CHST3: variants seen among roughly 807,000 people sequenced by gnomAD.
CHST3 encodes C6ST-1.
CHST3 carries 20 observed loss-of-function variants against 35.4 expected under a neutral mutation model. The observed-to-expected ratio is 0.57, with a 90% CI of 0.40 to 0.82. The LOEUF is 0.82. Among genes scored for constraint, CHST3 ranks in the 40% least tolerant of loss-of-function variants. The pLI, the probability that CHST3 is intolerant of heterozygous loss-of-function variation, is 0.00. For missense variants in CHST3, 693 were observed against 670.1 expected (o/e 1.03, Z -0.38); for synonymous variants, 334 against 295.9 (o/e 1.13, Z -1.32).
Position 72,008,051 on chromosome 10 carries a change from G to A in CHST3, c.1020G>A (p.Arg340=). 6.5e-7 allele frequency: 1 copy of A among 1,549,238 alleles called. No individual in the cohort carries two copies. Among genetic ancestry groups the A allele is most frequent in the Non-Finnish European group, 8.7e-7 (1 of 1,146,430 alleles). Residue 340 remains arginine (R), a synonymous_variant, in exon 3 of 3, where the codon CGG becomes CGA. Coordinates refer to ENST00000373115, the MANE Select transcript of CHST3 (RefSeq NM_004273.5). ...QDGLREEEVQ[R]LRGNCESIRL... ...GCCTGAGGGAAGAGGAGGTGCAGCG[G>A]CTGCGGGGCAACTGCGAGAGCATCC... is the stretch of plus-strand genomic sequence containing the variant.
In CHST3 at chr10:72,011,021, T is replaced by A. The variant is rs1421710101; in HGVS notation, c.*2550T>A. 2 of 152,236 alleles carry A rather than the reference T, an allele frequency of 1.3e-5. No homozygotes were observed. The highest frequency in any genetic ancestry group is 2.4e-5 in the African/African-American group (1 of 41,456). 9.4% of individuals were successfully genotyped at this position (152,236 alleles called of 1,614,324 possible). A position where few individuals can be genotyped will look rare whatever the true frequency, so the allele number is the denominator to read the frequency against. The stretch of plus-strand genomic sequence containing the variant: ...GTGCACACTGCAGGTTGACTTAATT[T>A]ATTTATTTTTTGAAAAGAAGAGACA... On this transcript the variant is annotated 3_prime_UTR_variant, in exon 3 of 3. Transcript: ENST00000373115.
At chr10:71,981,697 C>G (rs1164798257) in intron 1 of CHST3, among the ~76,000 whole-genome samples, 2 of 152,204 alleles carry the variant, frequency 1.3e-5, no homozygotes, top group South Asian at 2.1e-4. Flanking sequence ...TCCGTTCTGT[C>G]CAATTCAACA....
chr10:72,006,758 T>C (rs1452472012), intron 2 of CHST3, among the ~76,000 whole-genome samples: 1 of 152,074 alleles, frequency 6.6e-6, no homozygotes, highest in East Asian at 1.9e-4. Context: ...ATCCCCCCCC[T>C]TGGGTCACTG....
At chr10:71,997,890 A>T (rs935615856) in intron 1 of CHST3, among the ~76,000 whole-genome samples, 13 of 151,386 alleles carry the variant, frequency 8.6e-5, no homozygotes, top group Admixed American at 8.6e-4. Flanking sequence ...CTGGTCTTGA[A>T]CTCCTGACCT....
At chr10:71,984,139 C>T (rs1321917049) in intron 1 of CHST3, among the ~76,000 whole-genome samples, 1 of 152,246 alleles carries the variant, frequency 6.6e-6, no homozygotes, top group Admixed American at 6.5e-5. Flanking sequence ...TCTCCTGCCT[C>T]AGCCTCTCGA....
chr10:71,989,956 CCTAACATTGAG>C (rs1839882619), intron 1 of CHST3, among the ~76,000 whole-genome samples: 1 of 152,196 alleles, frequency 6.6e-6, no homozygotes, highest in Non-Finnish European at 1.5e-5. Flanking sequence ...GATAAATGTA[CCTAACATTGAG>C]CTAACAAGTT....
chr10:71,971,904 T>G (rs1839699064), intron 1 of CHST3, among the ~76,000 whole-genome samples: 1 of 152,212 alleles, frequency 6.6e-6, no homozygotes, highest in South Asian at 2.1e-4. Context: ...CACCAGAGGA[T>G]GAAGAACTGA....
chr10:71,991,264 TC>T (rs1434689992), intron 1 of CHST3, among the ~76,000 whole-genome samples: 1 of 152,194 alleles, frequency 6.6e-6, no homozygotes, highest in Non-Finnish European at 1.5e-5. Context: ...GCCAGTCGGT[TC>T]CCCAGAAATT....
intron 1 of CHST3, among the ~76,000 whole-genome samples, chr10:71,970,428 C>T (rs1449819829): frequency 6.6e-6 from 1 of 152,210 alleles, no homozygotes; most frequent in African/African-American, 2.4e-5. Flanking sequence ...CGCAAGTAAA[C>T]AACCACCTCG....
intron 1 of CHST3, among the ~76,000 whole-genome samples, chr10:72,004,629 C>G (rs1589507841): frequency 2.0e-5 from 3 of 152,306 alleles, no homozygotes; most frequent in African/African-American, 7.2e-5. Flanking sequence ...ACCTGTCCAC[C>G]TTCTAGATGC....
chr10:71,984,630 T>G (rs7099356), intron 1 of CHST3, among the ~76,000 whole-genome samples: 33,624 of 152,204 alleles, frequency 0.22, 5,512 homozygotes, highest in African/African-American at 0.47. Flanking sequence ...CCAGGCTTCC[T>G]GTGTTCCGAT....
At chr10:71,993,443 G>A (rs1839915062) in intron 1 of CHST3, among the ~76,000 whole-genome samples, 4 of 152,200 alleles carry the variant, frequency 2.6e-5, no homozygotes, top group Admixed American at 2.6e-4. Context: ...CATCCACATG[G>A]ATCCACTTCC....
chr10:71,985,390 T>A (rs1361864907), intron 1 of CHST3, among the ~76,000 whole-genome samples: 2 of 152,230 alleles, frequency 1.3e-5, no homozygotes, highest in Non-Finnish European at 2.9e-5. Flanking sequence ...TCCCCTGTTT[T>A]TCTCCCCCTG....
At position 72,008,896 on chromosome 10, in the gene CHST3, A is replaced by G; in HGVS notation, c.*425A>G. On this transcript the variant is annotated 3_prime_UTR_variant, in exon 3 of 3. Coordinates refer to ENST00000373115, the MANE Select transcript of CHST3 (RefSeq NM_004273.5). ...TTAACCGTTTCTTGTCTGGATGGTGAAGTCTGGAATCTGGGTGGGTCCTTG... is the reference window on the plus strand; with the variant it reads ...TTAACCGTTTCTTGTCTGGATGGTGGAGTCTGGAATCTGGGTGGGTCCTTG... 1 of 161,134 alleles carries G rather than the reference A, an allele frequency of 6.2e-6. No individual in the cohort carries two copies. Among genetic ancestry groups the G allele is most frequent in the Non-Finnish European group, 1.4e-5 (1 of 73,856 alleles). 10.0% of individuals were successfully genotyped at this position (161,134 alleles called of 1,614,324 possible).
chr10:71,988,052 G>A (rs543732279), intron 1 of CHST3, among the ~76,000 whole-genome samples: 94 of 152,316 alleles, frequency 6.2e-4, no homozygotes, highest in Non-Finnish European at 2.2e-4. Flanking sequence ...GCATGTGCAC[G>A]TATGATGCAC....
chr10:71,968,085 G>C (rs1442231122), intron 1 of CHST3, among the ~76,000 whole-genome samples: 3 of 151,734 alleles, frequency 2.0e-5, no homozygotes, highest in Admixed American at 6.6e-5. Flanking sequence ...CAAAATGCTG[G>C]GATTACAGGC....
intron 1 of CHST3, among the ~76,000 whole-genome samples, chr10:71,988,720 T>G (rs1163257868): frequency 1.3e-5 from 2 of 152,152 alleles, no homozygotes; most frequent in African/African-American, 4.8e-5. Flanking sequence ...AAAAACAGCC[T>G]AATACACCCT....
chr10:72,006,797 T>C (rs1840042763), intron 2 of CHST3, among the ~76,000 whole-genome samples: 1 of 152,194 alleles, frequency 6.6e-6, no homozygotes, highest in Non-Finnish European at 1.5e-5. Flanking sequence ...TTGTGCCTAT[T>C]GGGTTCTACT....
At chr10:71,976,760 A>G (rs575992722) in intron 1 of CHST3, among the ~76,000 whole-genome samples, 4 of 152,342 alleles carry the variant, frequency 2.6e-5, no homozygotes, top group African/African-American at 9.6e-5. Context: ...GCTTAAATTC[A>G]AAGACTTGTT....
Sources: gnomAD v4.1 joint callset for allele counts (sites outside exome capture counted in the v4.1 genomes callset) on GRCh38, gnomAD v4.1.1 for gene constraint, MANE v1.5 for transcripts, NCBI Gene and HGNC (gene_info 2026-07-23, HGNC 2026-07-21) for gene names.